Variants in CACNA1A observed in about 807,000 individuals in gnomAD.
The protein encoded by CACNA1A is calcium voltage-gated channel subunit alpha1 A, also known as voltage-dependent P/Q-type calcium channel subunit alpha-1A.
A neutral mutation model predicts 262.4 loss-of-function variants in CACNA1A; 57 were observed. The ratio of observed to expected loss-of-function variants is 0.22; its 90% confidence interval spans 0.18 to 0.27. The LOEUF is 0.27. Ranked by LOEUF, CACNA1A falls within the 10% of genes least tolerant of loss-of-function variation. The pLI is 1.00. For synonymous variants in CACNA1A, 1,431 were observed against 1,419.3 expected, an observed-to-expected ratio of 1.01 and a Z score of -0.18; for missense variants, 2,526 against 3,562.8, an observed-to-expected ratio of 0.71 and a Z score of 7.41.
rs768693060 is a variant in CACNA1A at position 13,259,671 on chromosome 19, C to A, written c.4281G>T (p.Glu1427Asp). 6.2e-7 allele frequency: 1 copy of A among 1,611,294 alleles called. No homozygotes were observed. Among genetic ancestry groups the A allele is most frequent in the Non-Finnish European group, 8.5e-7 (1 of 1,178,758 alleles). Residue 1427 changes from glutamate (E) to aspartate (D), a missense_variant, in exon 27 of 47, where the codon GAG becomes GAT. Physicochemically the swap from Glu to Asp is conservative, Grantham distance 45. Transcript: ENST00000360228. ...RGKYLLYEKN[E>D]VKARDREWKK... is the part of the protein sequence containing the mutation. The stretch of plus-strand genomic sequence containing the variant: ...TCCACTCCCGGTCTCGCGCCTTCAC[C>A]TCATTCTTCTCGTAGAGGAGGTATT...
chr19:13,444,717 C>A (rs2060779377), intron 3 of CACNA1A, among the ~76,000 whole-genome samples: 1 of 152,154 alleles, frequency 6.6e-6, no homozygotes, highest in African/African-American at 2.4e-5. Context: ...GGGTTCCTGG[C>A]TCCATGACTT....
chr19:13,387,665 C>G (rs1039753247), intron 3 of CACNA1A, among the ~76,000 whole-genome samples: 8 of 152,086 alleles, frequency 5.3e-5, no homozygotes, highest in African/African-American at 1.7e-4. Context: ...GGAGCAACTA[C>G]CATATGCCAC....
At position 13,219,267 on chromosome 19, in the gene CACNA1A, C is replaced by T. The variant is rs557929500; in HGVS notation, c.5732-4659G>A. On this transcript the variant is annotated intron_variant, in intron 38 of 46. Coordinates refer to ENST00000360228, the MANE Select transcript of CACNA1A (RefSeq NM_001127222.2). ...ATGTTGGTCAGGCTGGTCTTGAACT[C>T]GTGACCTCAAGTGATCTGCCTACCT... Among the ~76,000 whole-genome samples, 17 of 136,382 alleles carry T rather than the reference C, an allele frequency of 1.2e-4. No individual in the cohort carries two copies. In the South Asian group the frequency reaches 3.6e-3, roughly 29 times the overall value. The allele number at this position is 136,382 out of a possible 152,430, so 89.5% of individuals were successfully genotyped here.
chr19:13,306,158 C>T (rs1215655244), intron 15 of CACNA1A, among the ~76,000 whole-genome samples: 3 of 152,078 alleles, frequency 2.0e-5, no homozygotes, highest in Non-Finnish European at 4.4e-5. Flanking sequence ...TTAGAAACTA[C>T]CTCCCCAGGA....
rs1298090210 is a variant in CACNA1A at position 13,212,567 on chromosome 19, G to A, written c.6051-45C>T. 1 of 1,524,516 alleles carries A rather than the reference G, an allele frequency of 6.6e-7. No individual in the cohort carries two copies. The highest frequency in any genetic ancestry group is 1.3e-5 in the South Asian group (1 of 79,738). 94.4% of individuals were successfully genotyped at this position (1,524,516 alleles called of 1,614,324 possible). On this transcript the variant is annotated intron_variant, in intron 41 of 46. Transcript: ENST00000360228. This position sits in a 1 kb window ranked among gnomAD's most constrained non-coding sequence, Gnocchi z 5.6. ...CGGGGTAGCAGTGGGCGCTTGGGCA[G>A]CTTCCAGAACGTGGGGACCACGGCA... is the stretch of plus-strand genomic sequence containing the variant.
chr19:13,490,962 A>G (rs898843266), intron 1 of CACNA1A, among the ~76,000 whole-genome samples: 5 of 147,118 alleles, frequency 3.4e-5, no homozygotes, highest in Non-Finnish European at 6.0e-5. Context: ...AGGAAGAAGG[A>G]AGGGAGGGAG....
intron 3 of CACNA1A, among the ~76,000 whole-genome samples, chr19:13,396,856 CT>C (rs1291471213): frequency 6.6e-6 from 1 of 152,164 alleles, no homozygotes; most frequent in African/African-American, 2.4e-5. Context: ...AGGGGAAGCG[CT>C]GGCAGAAGAT....
intron 7 of CACNA1A, among the ~76,000 whole-genome samples, chr19:13,335,287 G>A (rs760314019): frequency 5.3e-4 from 81 of 152,234 alleles, no homozygotes; most frequent in African/African-American, 1.3e-3. Flanking sequence ...TCCGGAGGGC[G>A]TGAGGCAGCC....
At chr19:13,369,964 C>T (rs377332089) in intron 4 of CACNA1A, among the ~76,000 whole-genome samples, 14 of 152,132 alleles carry the variant, frequency 9.2e-5, no homozygotes, top group East Asian at 5.8e-4. Flanking sequence ...AGCAATGAAC[C>T]GGAAGAACGA....
At chr19:13,210,554 G>C (rs1007013775) in intron 44 of CACNA1A, 63 bp downstream of exon 44, 43 of 1,421,052 alleles carry the variant, frequency 3.0e-5, no homozygotes, top group Non-Finnish European at 3.6e-5. Context: ...ACTCCCTGGA[G>C]GGGGGGTGGG....
At chr19:13,412,316 C>T (rs2060125277) in intron 3 of CACNA1A, among the ~76,000 whole-genome samples, 2 of 151,962 alleles carry the variant, frequency 1.3e-5, no homozygotes, top group Non-Finnish European at 2.9e-5. Flanking sequence ...CCTGCCTTGG[C>T]CTCCTGAGTA....
intron 4 of CACNA1A, among the ~76,000 whole-genome samples, chr19:13,369,745 C>T (rs747021876): frequency 6.6e-6 from 1 of 152,226 alleles, no homozygotes; most frequent in Admixed American, 6.5e-5. Context: ...CTCAGGCAAT[C>T]GTCCTGCCTT....
chr19:13,235,010 C>T lies in CACNA1A; in HGVS notation c.5160G>A (p.Val1720=). 2 of 1,613,674 alleles carry T rather than the reference C, an allele frequency of 1.2e-6. No homozygotes were observed. The highest frequency in any genetic ancestry group is 1.1e-5 in the South Asian group (1 of 91,068). ...MQVFGNIGID[V]EDEDSDEDEF... is the part of the protein sequence containing the mutation. Reference sequence around the variant, plus strand: ...CATCTTCATCACTGTCCTCGTCCTCCACGTCGATGCCAATGTTACCAAACA... The same window carrying T: ...CATCTTCATCACTGTCCTCGTCCTCTACGTCGATGCCAATGTTACCAAACA... The change falls in exon 34 of 47, where the codon GTG becomes GTA. Residue 1720 remains valine, a synonymous_variant. Transcript: ENST00000360228.
chr19:13,389,275 G>A (rs2059672206), intron 3 of CACNA1A, among the ~76,000 whole-genome samples: 1 of 152,142 alleles, frequency 6.6e-6, no homozygotes, highest in Non-Finnish European at 1.5e-5. Flanking sequence ...ACTCATTCTG[G>A]TGCTCCATGG....
At chr19:13,467,133 T>C (rs1718450273) in intron 1 of CACNA1A, among the ~76,000 whole-genome samples, 1 of 152,098 alleles carries the variant, frequency 6.6e-6, no homozygotes, top group Non-Finnish European at 1.5e-5. Flanking sequence ...AAGCAGCCAG[T>C]ACAAAGAATG....
At chr19:13,403,781 A>C (rs1291915065) in intron 3 of CACNA1A, among the ~76,000 whole-genome samples, 1 of 151,982 alleles carries the variant, frequency 6.6e-6, no homozygotes, top group Non-Finnish European at 1.5e-5. Flanking sequence ...GCAAACAAAC[A>C]AACAAACAAA....
intron 3 of CACNA1A, among the ~76,000 whole-genome samples, chr19:13,403,689 A>G (rs2059950640): frequency 6.6e-6 from 1 of 152,132 alleles, no homozygotes; most frequent in Non-Finnish European, 1.5e-5. Flanking sequence ...TAATCCCAGC[A>G]TGTTGGAAGG....
intron 3 of CACNA1A, among the ~76,000 whole-genome samples, chr19:13,375,412 T>G (rs929664725): frequency 6.6e-6 from 1 of 151,996 alleles, no homozygotes; most frequent in African/African-American, 2.4e-5. Context: ...CTTTAAGTGC[T>G]CAAGTGAAAA....
intron 38 of CACNA1A, among the ~76,000 whole-genome samples, chr19:13,222,288 C>T (rs182916791): frequency 4.5e-4 from 69 of 152,236 alleles, no homozygotes; most frequent in African/African-American, 1.4e-3. Context: ...ATGATCCACC[C>T]ACCTCGGCCT....
Sources: gnomAD v4.1 joint callset for allele counts (sites outside exome capture counted in the v4.1 genomes callset) on GRCh38, gnomAD v4.1.1 for gene constraint, Gnocchi (gnomAD v3.1) non-coding constraint, MANE v1.5 for transcripts, NCBI Gene and HGNC (gene_info 2026-07-23, HGNC 2026-07-21) for gene names.